Variants in MYO9B observed in about 807,000 individuals in gnomAD.
MYO9B encodes the protein unconventional myosin-IXb.
MYO9B carries 71 observed loss-of-function variants against 229.5 expected under a neutral mutation model. The observed-to-expected ratio is 0.31, with a 90% CI of 0.26 to 0.38. The LOEUF (loss-of-function observed/expected upper bound fraction) is 0.38, where lower values mean the gene tolerates loss of function less well. MYO9B is among the 10% of genes least tolerant of loss of function. The pLI, the probability that MYO9B is intolerant of heterozygous loss-of-function variation, is 1.00. For missense variants in MYO9B, 2,255 were observed against 2,920.5 expected, an observed-to-expected ratio of 0.77 and a Z score of 5.25; for synonymous variants, 1,185 against 1,235.8, an observed-to-expected ratio of 0.96 and a Z score of 0.86.
chr19:17,089,849 G>A (rs776647345), intron 1 of MYO9B, among the ~76,000 whole-genome samples: 9 of 151,994 alleles, frequency 5.9e-5, no homozygotes, highest in Non-Finnish European at 1.3e-4. Flanking sequence ...TCACAGTGTT[G>A]TGCCAACACC....
At chr19:17,144,863 G>T (rs567611738) in intron 2 of MYO9B, among the ~76,000 whole-genome samples, 1 of 151,456 alleles carries the variant, frequency 6.6e-6, no homozygotes, top group Non-Finnish European at 1.5e-5. Context: ...CCAGCCACTC[G>T]GGAGGCTGAG....
chr19:17,163,740 T>C (rs563777712), intron 10 of MYO9B, among the ~76,000 whole-genome samples: 1 of 152,316 alleles, frequency 6.6e-6, no homozygotes, highest in Admixed American at 6.5e-5. Flanking sequence ...ATTTGTCTTT[T>C]TGTGACTGGC....
At chr19:17,149,410 C>T (rs1174097961) in intron 3 of MYO9B, among the ~76,000 whole-genome samples, 3 of 152,204 alleles carry the variant, frequency 2.0e-5, no homozygotes, top group Non-Finnish European at 4.4e-5. Flanking sequence ...CCCGACCTTC[C>T]CCAGGCTCCC....
At position 17,196,099 on chromosome 19, in the gene MYO9B, T is replaced by C. The variant is rs187627176; in HGVS notation, c.4046+626T>C. On this transcript the variant is annotated intron_variant, in intron 22 of 39. Transcript: ENST00000682292. ...TGCCAGGAGTATTATCGATAGATGA[T>C]GGATGGAGGGAGGGAGGGAGAGAGA... Among the ~76,000 whole-genome samples the C allele has an allele frequency of 5.5e-3, 679 of 124,356 alleles. 32 individuals are homozygous for C. In the Admixed American group the frequency reaches 0.061, roughly 11 times the overall value. 81.6% of individuals were successfully genotyped at this position (124,356 alleles called of 152,430 possible). A position where few individuals can be genotyped will look rare whatever the true frequency, so the allele number is the denominator to read the frequency against.
intron 2 of MYO9B, among the ~76,000 whole-genome samples, chr19:17,140,999 G>A (rs2072332132): frequency 6.6e-6 from 1 of 151,528 alleles, no homozygotes; most frequent in African/African-American, 2.4e-5. Flanking sequence ...AGCTACTCAG[G>A]AGGCTGAAGC....
chr19:17,211,713 G>A lies in MYO9B; in HGVS notation c.5997G>A (p.Ser1999=), dbSNP rs554698257. The A allele has an allele frequency of 2.8e-5, 45 of 1,612,556 alleles. No individual in the cohort carries two copies. Among genetic ancestry groups the A allele is most frequent in the Non-Finnish European group, 3.6e-5 (43 of 1,179,694 alleles). The stretch of plus-strand genomic sequence containing the variant: ...GCTCGGACGAGGAGAACCTGGACTC[G>A]GAGACGTCGGCCAGCACCGAGAGCC... ...PRGSDEENLD[S]ETSASTESLL... The change falls in exon 39 of 40, where the codon TCG becomes TCA. Residue 1999 remains serine, a synonymous_variant. Coordinates refer to ENST00000682292, the MANE Select transcript of MYO9B (RefSeq NM_004145.4).
chr19:17,103,942 G>C (rs1019956800), intron 2 of MYO9B, among the ~76,000 whole-genome samples: 1 of 151,754 alleles, frequency 6.6e-6, no homozygotes, highest in Non-Finnish European at 1.5e-5. Context: ...TGTAATCCCA[G>C]CTACTCGGGA....
chr19:17,203,180 T>C lies in MYO9B; in HGVS notation c.4912T>C (p.Tyr1638His). ...QEHNGHVFASYQVSIPQSCEQ... is the reference protein window; with the variant it reads ...QEHNGHVFASHQVSIPQSCEQ... ...GCACAACGGGCACGTGTTCGCCAGCTACCAGGTTAGCATCCCGCAGTCGTG... is the reference window on the plus strand; with the variant it reads ...GCACAACGGGCACGTGTTCGCCAGCCACCAGGTTAGCATCCCGCAGTCGTG... The change falls in exon 30 of 40, where the codon TAC (tyrosine) becomes CAC (histidine). Residue 1638 changes from tyrosine to histidine, a missense_variant. Physicochemically the swap from Tyr to His is moderately conservative, Grantham distance 83. Transcript: ENST00000682292. 6.3e-7 allele frequency: 1 copy of C among 1,578,916 alleles called. No homozygotes were observed. Among genetic ancestry groups the C allele is most frequent in the Non-Finnish European group, 8.6e-7 (1 of 1,162,332 alleles).
At chr19:17,169,790 T>A (rs2072700955) in intron 11 of MYO9B, among the ~76,000 whole-genome samples, 1 of 138,376 alleles carries the variant, frequency 7.2e-6, no homozygotes, top group Non-Finnish European at 1.5e-5. Context: ...TTCATCTCAA[T>A]CCTGTCTCCT....
chr19:17,206,300 G>A lies in MYO9B; in HGVS notation c.5310G>A (p.Val1770=). Residue 1770 remains valine (V), a synonymous_variant, in exon 33 of 40, where the codon GTG becomes GTA. Coordinates refer to ENST00000682292, the MANE Select transcript of MYO9B (RefSeq NM_004145.4). ...ENFPIHAITG[V]LKQWLRELPE... ...TCCCCATCCACGCCATCACAGGGGT[G>A]CTGAAGCAGTGGCTGCGGGAGCTGC... 6.2e-7 allele frequency: 1 copy of A among 1,607,614 alleles called. No homozygotes were observed.
At chr19:17,080,888 C>A (rs2123427653) in intron 1 of MYO9B, among the ~76,000 whole-genome samples, 1 of 151,980 alleles carries the variant, frequency 6.6e-6, no homozygotes, top group Non-Finnish European at 1.5e-5. Flanking sequence ...AAAAAAAATC[C>A]CAAATATACT....
intron 1 of MYO9B, among the ~76,000 whole-genome samples, chr19:17,086,832 A>G (rs2057587796): frequency 1.3e-5 from 2 of 151,888 alleles, no homozygotes; most frequent in East Asian, 3.9e-4. Flanking sequence ...GCGAGCTGAG[A>G]TAGCGCTACT....
chr19:17,188,522 C>T (rs1401435757), intron 19 of MYO9B, among the ~76,000 whole-genome samples: 2 of 152,082 alleles, frequency 1.3e-5, no homozygotes, highest in Admixed American at 6.6e-5. Context: ...GGTGACAGCG[C>T]CTGGTTCCCT....
intron 2 of MYO9B, among the ~76,000 whole-genome samples, chr19:17,120,638 CAAAAAAAA>C: frequency 1.1e-5 from 1 of 86,978 alleles, no homozygotes; most frequent in South Asian, 4.4e-4. Flanking sequence ...GACTCTGTCT[CAAAAAAAA>C]AAAAAAAAAA....
In MYO9B at chr19:17,101,840, C is replaced by G. The variant is rs765067662; in HGVS notation, c.123C>G (p.Asp41Glu). The change falls in exon 2 of 40, where the codon GAC becomes GAG. Residue 41 changes from aspartate to glutamate, a missense_variant. Physicochemically the swap from Asp to Glu is conservative, Grantham distance 45. This residue lies in a region of MYO9B where 386 missense variants were observed against 515.2 expected (regional missense o/e 0.75). Coordinates refer to ENST00000682292, the MANE Select transcript of MYO9B (RefSeq NM_004145.4). This position sits in a 1 kb window ranked among gnomAD's most constrained non-coding sequence, Gnocchi z 4.7. ...CGTGCCGCGTGACTGCCACCAAGGA[C>G]AGCACCACCTCGGACGTCATCAAGG... ...QASCRVTATK[D>E]STTSDVIKDA... 4 of 1,611,496 alleles carry G rather than the reference C, an allele frequency of 2.5e-6. No individual in the cohort carries two copies. The East Asian group carries it at 8.9e-5, about 36-fold the overall frequency.
rs1194517212 is a variant in MYO9B, at chr19:17,132,557, C to G, written c.841-12840C>G. 3.2e-5 allele frequency among the ~76,000 whole-genome samples: 4 copies of G among 125,860 alleles called. No individual in the cohort carries two copies. The East Asian group carries it at 9.2e-4, about 29-fold the overall frequency. The allele number at this position is 125,860 out of a possible 152,430, so 82.6% of individuals were successfully genotyped here. A position where few individuals can be genotyped will look rare whatever the true frequency, so the allele number is the denominator to read the frequency against. On this transcript the variant is annotated intron_variant, in intron 2 of 39. Transcript: ENST00000682292. Reference sequence around the variant, plus strand: ...TTTTTTTTTTTTTTTGAGACAGAGTCTCGCTCTGTCGCCCAGGCTGAAGTG... The same window carrying G: ...TTTTTTTTTTTTTTTGAGACAGAGTGTCGCTCTGTCGCCCAGGCTGAAGTG...
At chr19:17,177,667 G>A (rs758203320) in intron 14 of MYO9B, 2 of 149,832 alleles carry the variant, frequency 1.3e-5, no homozygotes, top group African/African-American at 2.5e-5. Context: ...TCTTGCCTCC[G>A]TTACCCCAAA....
At position 17,202,782 on chromosome 19, in the gene MYO9B, G is replaced by C; in HGVS notation, c.4837-60G>C. The C allele has an allele frequency of 8.6e-6, 13 of 1,517,730 alleles. 2 individuals carry two copies. In the South Asian group the frequency reaches 1.4e-4, roughly 17 times the overall value. 94.0% of individuals were successfully genotyped at this position (1,517,730 alleles called of 1,614,324 possible). A position where few individuals can be genotyped will look rare whatever the true frequency, so the allele number is the denominator to read the frequency against. On this transcript the variant is annotated intron_variant, in intron 28 of 39. Transcript: ENST00000682292. ...CACGCCTGAGTTATGGGGTGCCAGGGGTGGGTTGGGGCTCTTCCCAGGGGG... is the reference window on the plus strand; with the variant it reads ...CACGCCTGAGTTATGGGGTGCCAGGCGTGGGTTGGGGCTCTTCCCAGGGGG...
chr19:17,185,893 C>G, intron 17 of MYO9B, 28 bp from the exon 18 acceptor site: 1 of 1,600,360 alleles, frequency 6.2e-7, no homozygotes, highest in Non-Finnish European at 8.6e-7. Flanking sequence ...CCTGATTCAA[C>G]CCAAATGCTT....
Sources: gnomAD v4.1 joint callset for allele counts (sites outside exome capture counted in the v4.1 genomes callset) on GRCh38, gnomAD v4.1.1 for gene constraint, gnomAD v4.1.1 regional missense constraint, Gnocchi (gnomAD v3.1) non-coding constraint, MANE v1.5 for transcripts, NCBI Gene and HGNC (gene_info 2026-07-23, HGNC 2026-07-21) for gene names.